FMN2: variants seen among roughly 807,000 people sequenced by gnomAD.
The protein encoded by FMN2 is formin 2.
A neutral mutation model predicts 142.3 loss-of-function variants in FMN2; 51 were observed. That is an observed-to-expected ratio of 0.36 (90% CI 0.29 to 0.45). The LOEUF is 0.45. Ranked by LOEUF, FMN2 falls within the 20% of genes least tolerant of loss-of-function variation. The pLI is 1.00. For missense variants in FMN2, 1,936 were observed against 2,122.8 expected (o/e 0.91, Z 1.73); for synonymous variants, 882 against 869.8 (o/e 1.01, Z -0.25).
At chr1:240,221,751 A>G (rs1214313868) in intron 6 of FMN2, among the ~76,000 whole-genome samples, 2 of 150,760 alleles carry the variant, frequency 1.3e-5, no homozygotes, top group Non-Finnish European at 2.9e-5. Context: ...CCGTTTGTCA[A>G]TTTTGGCTTT....
rs115525495 is a variant in FMN2 at position 240,393,814 on chromosome 1, A to G, written c.4910+1252A>G. On this transcript the variant is annotated intron_variant, in intron 15 of 17. Transcript: ENST00000319653. ...TATGGGGAAAGTTTAAGTGGTCTTA[A>G]TAGAAGATCAAACCAGCCACAATAG... Among the ~76,000 whole-genome samples, 1,267 of 152,324 alleles carry G rather than the reference A, an allele frequency of 8.3e-3. 15 individuals carry two copies. Among genetic ancestry groups the G allele is most frequent in the African/African-American group, 0.029 (1,208 of 41,562 alleles).
At chr1:240,226,819 CA>C (rs1558379267) in intron 6 of FMN2, among the ~76,000 whole-genome samples, 1 of 151,804 alleles carries the variant, frequency 6.6e-6, no homozygotes, top group Non-Finnish European at 1.5e-5. Flanking sequence ...GACACACACA[CA>C]CACACACACA....
rs192504276 is a variant in FMN2, at chr1:240,109,718, T to G, written c.1616-13461T>G. ...AAATATTGAGAAGGGTATTAAAAGATGTGTTCCACATCAATTATAGCAAAT... is the reference window on the plus strand; with the variant it reads ...AAATATTGAGAAGGGTATTAAAAGAGGTGTTCCACATCAATTATAGCAAAT... On this transcript the variant is annotated intron_variant, in intron 1 of 17. Transcript: ENST00000319653. 1.7e-4 allele frequency among the ~76,000 whole-genome samples: 26 copies of G among 152,282 alleles called. No individual in the cohort carries two copies. The East Asian group carries it at 5.0e-3, about 29-fold the overall frequency.
intron 15 of FMN2, among the ~76,000 whole-genome samples, chr1:240,400,034 A>G (rs1673919437): frequency 6.6e-6 from 1 of 152,200 alleles, no homozygotes; most frequent in South Asian, 2.1e-4. Context: ...GAAAGAATAG[A>G]GGTCTAGATG....
chr1:240,411,620 TTGATC>T (rs952180744), intron 15 of FMN2, among the ~76,000 whole-genome samples: 58 of 137,050 alleles, frequency 4.2e-4, no homozygotes, highest in African/African-American at 1.6e-3. Flanking sequence ...TTCCTTGTGT[TTGATC>T]TGTTGTTTTT....
At chr1:240,167,460 T>C (rs1341263322) in intron 2 of FMN2, among the ~76,000 whole-genome samples, 8 of 152,192 alleles carry the variant, frequency 5.3e-5, no homozygotes, top group Non-Finnish European at 1.2e-4. Context: ...TTTGTAAACA[T>C]GTCAGAGATC....
intron 15 of FMN2, among the ~76,000 whole-genome samples, chr1:240,432,096 G>C (rs753994128): frequency 4.6e-5 from 7 of 151,606 alleles, no homozygotes; most frequent in Non-Finnish European, 7.4e-5. Flanking sequence ...AAACAAATAG[G>C]GTCAGAATTA....
intron 3 of FMN2, among the ~76,000 whole-genome samples, chr1:240,178,608 ATT>A (rs1207118311): frequency 1.3e-5 from 2 of 151,926 alleles, no homozygotes; most frequent in East Asian, 3.9e-4. Flanking sequence ...CGTCCAGCTA[ATT>A]TTTTTGTAGA....
Position 240,257,828 on chromosome 1 carries a change from G to A in FMN2, c.4066-117G>A, listed in dbSNP as rs148930370. 42 of 802,968 alleles carry A rather than the reference G, an allele frequency of 5.2e-5. No individual in the cohort carries two copies. In the East Asian group the frequency reaches 1.0e-3, roughly 19 times the overall value. 49.7% of individuals were successfully genotyped at this position (802,968 alleles called of 1,614,324 possible). The stretch of plus-strand genomic sequence containing the variant: ...AAAAACACTGTTTTGAATACTTTAG[G>A]TAATGACGTGAGATCTTTTCTCTGA... On this transcript the variant is annotated intron_variant, in intron 6 of 17. Coordinates refer to ENST00000319653, the MANE Select transcript of FMN2 (RefSeq NM_020066.5).
At chr1:240,381,934 ACCAC>A (rs1673238672) in intron 14 of FMN2, among the ~76,000 whole-genome samples, 1 of 152,198 alleles carries the variant, frequency 6.6e-6, no homozygotes, top group African/African-American at 2.4e-5. Context: ...GTCTACTCTC[ACCAC>A]TCCTAATCAA....
chr1:240,207,713 T>G lies in FMN2; in HGVS notation c.2901T>G (p.Pro967=), dbSNP rs551608057. The change falls in exon 5 of 18, where the codon CCT becomes CCG. Residue 967 remains proline (P), a synonymous_variant. Coordinates refer to ENST00000319653, the MANE Select transcript of FMN2 (RefSeq NM_020066.5). The stretch of plus-strand genomic sequence containing the variant: ...TTCCCGGGGCAGGCATACCCCTTCC[T>G]CCCCCTCTTCCCGGAGCAGGAATAC... The part of the protein sequence containing the change: ...PPLPGAGIPL[P]PPLPGAGIPP... 361 of 1,092,236 alleles carry G rather than the reference T, an allele frequency of 3.3e-4. No homozygotes were observed. In the African/African-American group the frequency reaches 5.9e-3, roughly 18 times the overall value. 67.7% of individuals were successfully genotyped at this position (1,092,236 alleles called of 1,614,324 possible).
chr1:240,246,992 C>T (rs1341238445), intron 6 of FMN2, among the ~76,000 whole-genome samples: 1 of 152,100 alleles, frequency 6.6e-6, no homozygotes, highest in African/African-American at 2.4e-5. Flanking sequence ...TTAGGTTCTT[C>T]TTCTCCAAGG....
At chr1:240,214,635 C>T (rs189167858) in intron 6 of FMN2, among the ~76,000 whole-genome samples, 1 of 152,184 alleles carries the variant, frequency 6.6e-6, no homozygotes, top group Non-Finnish European at 1.5e-5. Context: ...TTCACACTTG[C>T]CCAATTTTAA....
chr1:240,104,410 A>G (rs1310632099), intron 1 of FMN2, among the ~76,000 whole-genome samples: 2 of 152,092 alleles, frequency 1.3e-5, no homozygotes, highest in Non-Finnish European at 2.9e-5. Context: ...GAAAAAAAGA[A>G]TCCATGTAGT....
intron 16 of FMN2, among the ~76,000 whole-genome samples, chr1:240,470,271 T>C (rs1416793553): frequency 1.3e-5 from 2 of 151,708 alleles, no homozygotes; most frequent in South Asian, 4.2e-4. Flanking sequence ...AATTTACTGG[T>C]AGCTGTTTCA....
At chr1:240,425,531 C>T (rs977459605) in intron 15 of FMN2, among the ~76,000 whole-genome samples, 2 of 152,174 alleles carry the variant, frequency 1.3e-5, no homozygotes, top group African/African-American at 4.8e-5. Flanking sequence ...CTACCTGCCA[C>T]ACATCAAAAG....
At chr1:240,166,810 G>A (rs1664499410) in intron 2 of FMN2, among the ~76,000 whole-genome samples, 3 of 152,164 alleles carry the variant, frequency 2.0e-5, no homozygotes, top group African/African-American at 7.2e-5. Context: ...ACTTCTATGA[G>A]TGGAATTGGT....
chr1:240,221,028 C>A (rs1667093227), intron 6 of FMN2, among the ~76,000 whole-genome samples: 1 of 152,134 alleles, frequency 6.6e-6, no homozygotes, highest in South Asian at 2.1e-4. Context: ...TCATCCATGT[C>A]TCTGCAAAGG....
intron 3 of FMN2, among the ~76,000 whole-genome samples, chr1:240,187,431 A>G (rs905980101): frequency 1.3e-5 from 2 of 152,060 alleles, no homozygotes; most frequent in Admixed American, 6.6e-5. Flanking sequence ...CACTTGCATT[A>G]TGGGCTTTGA....
Sources: gnomAD v4.1 joint callset for allele counts (sites outside exome capture counted in the v4.1 genomes callset) on GRCh38, gnomAD v4.1.1 for gene constraint, MANE v1.5 for transcripts, NCBI Gene and HGNC (gene_info 2026-07-23, HGNC 2026-07-21) for gene names.